AKNAD1: variants seen among roughly 807,000 people sequenced by gnomAD.
AKNAD1 encodes the protein AKNA domain containing 1.
A neutral mutation model predicts 90.8 loss-of-function variants in AKNAD1; 67 were observed. That is an observed-to-expected ratio of 0.74 (90% CI 0.61 to 0.90). The LOEUF is 0.90. Among genes scored for constraint, AKNAD1 ranks in the 40% least tolerant of loss-of-function variants. The probability of loss-of-function intolerance (pLI) is 0.00; values close to 1 mark genes in which losing one functional copy is unlikely to be tolerated. For missense variants in AKNAD1, 957 were observed against 975.4 expected (o/e 0.98, Z 0.25); for synonymous variants, 327 against 341.4 (o/e 0.96, Z 0.46).
chr1:108,827,156 G>T, intron 11 of AKNAD1, 49 bp downstream of exon 11: 2 of 1,419,116 alleles, frequency 1.4e-6, no homozygotes, highest in Non-Finnish European at 2.0e-6. Context: ...CAGACCCCAT[G>T]GGGAGGGACA....
intron 6 of AKNAD1, among the ~76,000 whole-genome samples, chr1:108,839,394 A>G (rs1277534851): frequency 6.6e-6 from 1 of 150,446 alleles, no homozygotes; most frequent in Non-Finnish European, 1.5e-5. Flanking sequence ...AATGGCGTGA[A>G]GCCGGGAGGC....
chr1:108,835,727 C>T (rs923780058), intron 7 of AKNAD1, among the ~76,000 whole-genome samples: 17 of 151,592 alleles, frequency 1.1e-4, no homozygotes, highest in Admixed American at 4.0e-4. Flanking sequence ...CGGGTTCAAG[C>T]GATTCTCCTG....
At chr1:108,829,551 G>A (rs1664115764) in intron 10 of AKNAD1, among the ~76,000 whole-genome samples, 1 of 152,190 alleles carries the variant, frequency 6.6e-6, no homozygotes, top group African/African-American at 2.4e-5. Flanking sequence ...GCAGCTCAAA[G>A]CTGATGACTG....
chr1:108,844,358 ATCTC>A (rs1196254369), intron 5 of AKNAD1, among the ~76,000 whole-genome samples: 1 of 143,396 alleles, frequency 7.0e-6, no homozygotes, highest in African/African-American at 2.7e-5. Context: ...GCGAGACTCC[ATCTC>A]TCTCTCTCTC....
chr1:108,832,806 G>C (rs1019333830), intron 9 of AKNAD1, among the ~76,000 whole-genome samples: 11 of 152,076 alleles, frequency 7.2e-5, no homozygotes, highest in Admixed American at 5.9e-4. Flanking sequence ...TTATGCATTT[G>C]GCAAAAGTTG....
intron 5 of AKNAD1, among the ~76,000 whole-genome samples, chr1:108,843,630 C>T (rs927427302): frequency 6.6e-6 from 1 of 152,186 alleles, no homozygotes; most frequent in South Asian, 2.1e-4. Context: ...ATTTAATCAA[C>T]ACATCAATGT....
intron 5 of AKNAD1, among the ~76,000 whole-genome samples, chr1:108,844,184 G>A (rs913831467): frequency 1.3e-5 from 2 of 152,122 alleles, no homozygotes; most frequent in East Asian, 3.9e-4. Context: ...CCAACATGGT[G>A]AAACCCCATC....
intron 6 of AKNAD1, among the ~76,000 whole-genome samples, chr1:108,841,538 A>G (rs1664553088): frequency 6.6e-6 from 1 of 152,178 alleles, no homozygotes; most frequent in African/African-American, 2.4e-5. Flanking sequence ...ATCCAAGCAA[A>G]TATTTTTGCA....
At position 108,834,472 on chromosome 1, in the gene AKNAD1, G is replaced by A; in HGVS notation, c.1721C>T (p.Ala574Val). Reference protein sequence around the residue: ...AAAQNKPDQVAMRLSSNSGED... With the variant: ...AAAQNKPDQVVMRLSSNSGED... ...CCCAGAGTTAGAAGACAGCCTCATG[G>A]CCACTTGGTCTGGCTTGTTCTGGGC... The change falls in exon 9 of 16, where the codon GCC (alanine) becomes GTC (valine). Residue 574 changes from alanine to valine, a missense_variant. Ala to Val is a moderately conservative substitution (Grantham distance 64). Coordinates refer to ENST00000370001, the MANE Select transcript of AKNAD1 (RefSeq NM_152763.5). 1 of 1,611,004 alleles carries A rather than the reference G, an allele frequency of 6.2e-7. No homozygotes were observed. The highest frequency in any genetic ancestry group is 1.1e-5 in the South Asian group (1 of 90,308).
intron 14 of AKNAD1, among the ~76,000 whole-genome samples, chr1:108,818,832 G>T (rs1369178328): frequency 6.6e-6 from 1 of 151,968 alleles, no homozygotes; most frequent in Admixed American, 6.6e-5. Flanking sequence ...GCATGGTGGC[G>T]GGTGCCTATA....
chr1:108,856,813 G>C (rs1665061012), intron 1 of AKNAD1, 116 bp downstream of exon 1: 1 of 152,092 alleles, frequency 6.6e-6, no homozygotes, highest in Non-Finnish European at 1.5e-5. Flanking sequence ...AGATAAACCA[G>C]AAACCTGAGG....
chr1:108,854,075 C>T (rs1007490165), intron 1 of AKNAD1, among the ~76,000 whole-genome samples: 1 of 152,210 alleles, frequency 6.6e-6, no homozygotes, highest in Non-Finnish European at 1.5e-5. Flanking sequence ...CCCTGAACAA[C>T]CCCTGCCAGC....
intron 10 of AKNAD1, among the ~76,000 whole-genome samples, chr1:108,828,094 A>G (rs1167990517): frequency 7.3e-6 from 1 of 136,210 alleles, no homozygotes; most frequent in African/African-American, 2.8e-5. Context: ...TCAAAAACAA[A>G]CAAACAAACA....
At chr1:108,852,899 A>ATCATACG in intron 1 of AKNAD1, 132 bp from the exon 2 acceptor site, 1 of 363,816 alleles carries the variant, frequency 2.7e-6, no homozygotes, top group South Asian at 1.4e-4. Flanking sequence ...CTCAACCACA[A>ATCATACG]GCTGACCCAA....
chr1:108,820,895 T>C (rs1663791436), intron 13 of AKNAD1, among the ~76,000 whole-genome samples: 1 of 151,694 alleles, frequency 6.6e-6, no homozygotes, highest in Admixed American at 6.6e-5. Flanking sequence ...AAAAAAAAAT[T>C]CATAAACCCC....
rs1347425500 is a variant in AKNAD1, at chr1:108,830,658, A to G, written c.1747-8T>C. On this transcript the variant is annotated splice_polypyrimidine_tract_variant and splice_region_variant and intron_variant, in intron 9 of 15. Transcript: ENST00000370001. ...AGTGCCGTTGGGATCCTCCTGCGCC[A>G]CAAAGCACACAGATGGAGATGTGAT... 5 of 1,613,776 alleles carry G rather than the reference A, an allele frequency of 3.1e-6. No individual in the cohort carries two copies. The highest frequency in any genetic ancestry group is 4.2e-6 in the Non-Finnish European group (5 of 1,179,886).
intron 11 of AKNAD1, among the ~76,000 whole-genome samples, chr1:108,826,434 T>C (rs1274669015): frequency 2.0e-5 from 2 of 97,728 alleles, no homozygotes; most frequent in Non-Finnish European, 4.7e-5. Flanking sequence ...CCTTAAACTA[T>C]CTTTGAAAAA....
Position 108,843,244 on chromosome 1 carries a change from G to C in AKNAD1, c.1269C>G (p.His423Gln), listed in dbSNP as rs112398173. ...GAAAGTTCTGCTCCAGCAGTTCAAG[G>C]TGTCCCTGCAGTTTCTCCAGGACCT... Reference protein sequence around the residue: ...KKLVLEKLQGHLELLEQNFLA... With the variant: ...KKLVLEKLQGQLELLEQNFLA... Residue 423 changes from histidine to glutamine, a missense_variant, in exon 6 of 16, where the codon CAC becomes CAG. Physicochemically the swap from His to Gln is conservative, Grantham distance 24. Transcript: ENST00000370001. 3 of 1,614,052 alleles carry C rather than the reference G, an allele frequency of 1.9e-6. No homozygotes were observed. Among genetic ancestry groups the C allele is most frequent in the Non-Finnish European group, 2.5e-6 (3 of 1,180,002 alleles).
At chr1:108,837,736 C>T (rs754257632) in intron 6 of AKNAD1, 30 bp from the exon 7 acceptor site, 18 of 1,610,846 alleles carry the variant, frequency 1.1e-5, no homozygotes, top group Non-Finnish European at 1.5e-5. Flanking sequence ...CAGGCATCTT[C>T]TGGGCTATGT....
Sources: gnomAD v4.1 joint callset for allele counts (sites outside exome capture counted in the v4.1 genomes callset) on GRCh38, gnomAD v4.1.1 for gene constraint, MANE v1.5 for transcripts, NCBI Gene and HGNC (gene_info 2026-07-23, HGNC 2026-07-21) for gene names.